The following BCLAF3 variants were observed in gnomAD, a reference collection of about 807,000 sequenced individuals.
The protein encoded by BCLAF3 is transient octamer binding factor 1.
BCLAF3 carries 24 observed loss-of-function variants against 51.2 expected under a neutral mutation model. The observed-to-expected ratio is 0.47, with a 90% CI of 0.34 to 0.66. The LOEUF is 0.66. Among genes scored for constraint, BCLAF3 ranks in the 30% least tolerant of loss-of-function variants. The pLI is 0.01. For synonymous variants in BCLAF3, 152 were observed against 176.6 expected (o/e 0.86, Z 1.10); for missense variants, 465 against 525.1 (o/e 0.89, Z 1.12).
chrX:19,987,743 T>C (rs1361204327), intron 1 of BCLAF3, among the ~76,000 whole-genome samples: 3 of 112,318 alleles, frequency 2.7e-5, no homozygotes, highest in Non-Finnish European at 5.6e-5. Flanking sequence ...AAGTCTCTAG[T>C]GGGTAAGAAT....
chrX:19,919,909 A>G (rs375169256), intron 11 of BCLAF3, among the ~76,000 whole-genome samples: 1 of 110,228 alleles, frequency 9.1e-6, no homozygotes, highest in East Asian at 2.9e-4. Flanking sequence ...AACACAGCAG[A>G]TCTGACTGCT....
intron 11 of BCLAF3, among the ~76,000 whole-genome samples, chrX:19,927,742 A>G (rs1024406124): frequency 9.1e-6 from 1 of 109,743 alleles, no homozygotes; most frequent in Non-Finnish European, 1.9e-5. Context: ...CCTGGGCTCA[A>G]GCAATCCTCC....
intron 8 of BCLAF3, among the ~76,000 whole-genome samples, chrX:19,949,993 A>G (rs745783771): frequency 2.7e-5 from 3 of 111,778 alleles, no homozygotes; most frequent in Non-Finnish European, 5.6e-5. Flanking sequence ...GACTACTAAG[A>G]GCCCCTAAAC....
chrX:19,961,789 A>G (rs1401406123), intron 4 of BCLAF3, among the ~76,000 whole-genome samples: 1 of 112,312 alleles, frequency 8.9e-6, no homozygotes, highest in Non-Finnish European at 1.9e-5. Context: ...TTGCTCAGTT[A>G]TTTATTTTTC....
chrX:19,958,859 G>A (rs2071755311), intron 4 of BCLAF3, among the ~76,000 whole-genome samples: 1 of 112,502 alleles, frequency 8.9e-6, no homozygotes, highest in South Asian at 3.6e-4. Context: ...TTTAGAAACT[G>A]TGGAGTTGAT....
At chrX:19,941,188 T>C (rs1281360976) in intron 8 of BCLAF3, among the ~76,000 whole-genome samples, 3 of 108,679 alleles carry the variant, frequency 2.8e-5, no homozygotes, top group African/African-American at 1.0e-4. Context: ...GTCAGATGAG[T>C]AGGTTGCGAA....
chrX:19,978,229 G>C (rs1009580422), intron 1 of BCLAF3, among the ~76,000 whole-genome samples: 5 of 112,094 alleles, frequency 4.5e-5, no homozygotes, highest in Admixed American at 9.5e-5. Context: ...AGCTGCCATT[G>C]ATAGTGATTC....
rs1054860241 is a variant in BCLAF3, at chrX:19,915,423, T to C, written c.*1882A>G. ...TTTTCCTTTTAGGCTTTAGATCTTATACACACAATGTTTTCTGCACAGGTA... is the reference window on the plus strand; with the variant it reads ...TTTTCCTTTTAGGCTTTAGATCTTACACACACAATGTTTTCTGCACAGGTA... On this transcript the variant is annotated 3_prime_UTR_variant, in exon 12 of 12. Coordinates refer to ENST00000379682, the MANE Select transcript of BCLAF3 (RefSeq NM_001367774.2). 1 of 112,282 alleles carries C rather than the reference T, an allele frequency of 8.9e-6. No homozygotes were observed. Among genetic ancestry groups the C allele is most frequent in the African/African-American group, 3.2e-5 (1 of 30,923 alleles). The allele number at this position is 112,282 out of a possible 1,213,427, so 9.3% of individuals were successfully genotyped here. A position where few individuals can be genotyped will look rare whatever the true frequency, so the allele number is the denominator to read the frequency against.
At chrX:19,953,727 G>C in intron 6 of BCLAF3, 51 bp downstream of exon 6, 1 of 994,072 alleles carries the variant, frequency 1.0e-6, no homozygotes, top group Admixed American at 2.5e-5. Flanking sequence ...AATCTTTTCT[G>C]AGGTATATCC....
intron 7 of BCLAF3, among the ~76,000 whole-genome samples, chrX:19,952,148 C>A (rs918962742): frequency 1.3e-4 from 14 of 111,573 alleles, no homozygotes; most frequent in Admixed American, 5.7e-4. Flanking sequence ...TTTTAAAAAA[C>A]CACAGATTTC....
chrX:19,967,305 G>C (rs1468802235), intron 2 of BCLAF3, among the ~76,000 whole-genome samples: 1 of 111,877 alleles, frequency 8.9e-6, no homozygotes, highest in Non-Finnish European at 1.9e-5. Context: ...CTCATGCTTA[G>C]TTCCTCCAGA....
chrX:19,933,216 G>C (rs2070632355), intron 10 of BCLAF3, among the ~76,000 whole-genome samples: 1 of 112,289 alleles, frequency 8.9e-6, no homozygotes, highest in African/African-American at 3.2e-5. Context: ...ATGTATGCTA[G>C]ACAGAACTAT....
rs202003883 is a variant in BCLAF3, at chrX:19,935,845, C to T, written c.1914G>A (p.Glu638=). The T allele has an allele frequency of 8.3e-7, 1 of 1,208,720 alleles. No individual in the cohort carries two copies. The highest frequency in any genetic ancestry group is 3.0e-5 in the East Asian group (1 of 33,757). ...DIITHKPFEV[E]GNHRNTRVRP... ...TTACTCTTGTGTTTCGGTGGTTTCC[C>T]TCAACCTCAAATGGTTTGTGAGTAA... The change falls in exon 10 of 12, where the codon GAG becomes GAA. Residue 638 remains glutamate, a synonymous_variant. Transcript: ENST00000379682.
chrX:19,923,955 C>T (rs968144504), intron 11 of BCLAF3, among the ~76,000 whole-genome samples: 1 of 109,356 alleles, frequency 9.1e-6, no homozygotes, highest in East Asian at 2.8e-4. Context: ...AAATCTCATG[C>T]CTCAGCCTCC....
rs1008499560 is a variant in BCLAF3 at position 19,985,491 on chromosome X, C to G, written c.-35+5417G>C. On this transcript the variant is annotated intron_variant, in intron 1 of 11. Coordinates refer to ENST00000379682, the MANE Select transcript of BCLAF3 (RefSeq NM_001367774.2). ...GTCCTAGCTTCTCGGGAGGTTGAGG[C>G]AGGGGGATTGCTAAAGCCCAGGAAT... 2.7e-5 allele frequency among the ~76,000 whole-genome samples: 3 copies of G among 110,511 alleles called. No homozygotes were observed. The Admixed American group carries it at 2.9e-4, about 11-fold the overall frequency.
At position 19,979,115 on chromosome X, in the gene BCLAF3, C is replaced by A. The variant is rs373281664; in HGVS notation, c.-34-8817G>T. Among the ~76,000 whole-genome samples, 4 of 110,753 alleles carry A rather than the reference C, an allele frequency of 3.6e-5. No homozygotes were observed. In the East Asian group the frequency reaches 1.2e-3, roughly 32 times the overall value. On this transcript the variant is annotated intron_variant, in intron 1 of 11. Coordinates refer to ENST00000379682, the MANE Select transcript of BCLAF3 (RefSeq NM_001367774.2). ...TCTCTACTAAAAATACAAAAATTAGCCAGGTGTGGTGGCATACACCTATAA... is the reference window on the plus strand; with the variant it reads ...TCTCTACTAAAAATACAAAAATTAGACAGGTGTGGTGGCATACACCTATAA...
At chrX:19,962,348 A>C (rs1044458858) in intron 4 of BCLAF3, among the ~76,000 whole-genome samples, 1 of 110,620 alleles carries the variant, frequency 9.0e-6, no homozygotes, top group Admixed American at 9.7e-5. Context: ...CACCCAGCTA[A>C]TTTTTGTATT....
intron 4 of BCLAF3, among the ~76,000 whole-genome samples, chrX:19,959,493 C>T (rs781729276): frequency 6.3e-5 from 7 of 111,437 alleles, no homozygotes; most frequent in East Asian, 2.8e-4. Context: ...CGGTGGCTCA[C>T]GCCTGTAATC....
chrX:19,932,301 A>G (rs956931930), intron 10 of BCLAF3, among the ~76,000 whole-genome samples: 3 of 111,696 alleles, frequency 2.7e-5, no homozygotes, highest in African/African-American at 9.8e-5. Flanking sequence ...CATAAAAAAC[A>G]TCCCTGAGTC....
Sources: allele counts gnomAD v4.1 joint callset (sites outside exome capture counted in the v4.1 genomes callset), GRCh38; gene constraint gnomAD v4.1.1; transcripts MANE v1.5; gene names NCBI Gene and HGNC (gene_info 2026-07-23, HGNC 2026-07-21).